The following MAML2 variants were observed in gnomAD, a reference collection of about 807,000 sequenced individuals.
The protein encoded by MAML2 is mastermind like transcriptional coactivator 2.
Under a neutral mutation model 96.1 loss-of-function variants are expected in MAML2, and 22 were observed. The ratio of observed to expected loss-of-function variants is 0.23; its 90% CI spans 0.16 to 0.33. The LOEUF (loss-of-function observed/expected upper bound fraction) is 0.33, where lower values mean the gene tolerates loss of function less well. Ranked by LOEUF, MAML2 falls within the 10% of genes least tolerant of loss-of-function variation. The pLI, the probability that MAML2 is intolerant of heterozygous loss-of-function variation, is 1.00. For missense variants in MAML2, 1,367 were observed against 1,392.4 expected, an observed-to-expected ratio of 0.98 and a Z score of 0.29; for synonymous variants, 561 against 521.3, an observed-to-expected ratio of 1.08 and a Z score of -1.04.
At chr11:96,099,645 A>T (rs912850927) in intron 1 of MAML2, among the ~76,000 whole-genome samples, 1 of 152,042 alleles carries the variant, frequency 6.6e-6, no homozygotes, top group Non-Finnish European at 1.5e-5. Flanking sequence ...GGGAAACGGG[A>T]TCCTTCTAAC....
At chr11:96,322,935 G>A (rs1863726317) in intron 1 of MAML2, among the ~76,000 whole-genome samples, 1 of 152,128 alleles carries the variant, frequency 6.6e-6, no homozygotes, top group Non-Finnish European at 1.5e-5. Context: ...ACAGGCCTAG[G>A]CTTCAGGTTC....
At chr11:96,135,085 T>A (rs1860606898) in intron 1 of MAML2, among the ~76,000 whole-genome samples, 1 of 152,220 alleles carries the variant, frequency 6.6e-6, no homozygotes, top group Non-Finnish European at 1.5e-5. Flanking sequence ...TGTTGAGAGG[T>A]GAAACCATTA....
rs1327901191 is a variant in MAML2 at position 96,092,504 on chromosome 11, T to A, written c.1527A>T (p.Val509=). 1 of 1,597,628 alleles carries A rather than the reference T, an allele frequency of 6.3e-7. No individual in the cohort carries two copies. The change falls in exon 2 of 5, where the codon GTA becomes GTT. Residue 509 remains valine, a synonymous_variant. Coordinates refer to ENST00000524717, the MANE Select transcript of MAML2 (RefSeq NM_032427.4). This position sits in a 1 kb window ranked among gnomAD's most constrained non-coding sequence, Gnocchi z 4.1. ...GVAGGSGQSK[V]MANYMYKAGP... is the part of the protein sequence containing the mutation. ...CGGCCTTGTACATGTAGTTAGCCATTACTTTCGACTGGCCGCTGCCGCCAG... is the reference window on the plus strand; with the variant it reads ...CGGCCTTGTACATGTAGTTAGCCATAACTTTCGACTGGCCGCTGCCGCCAG...
Position 96,139,317 on chromosome 11 carries a change from A to G in MAML2, c.514-45800T>C, listed in dbSNP as rs556675924. ...ACAGTGTAACCCTGTCTCTACTAAA[A>G]ATACAAAAAATTAGCCGGGCGTGGT... On this transcript the variant is annotated intron_variant, in intron 1 of 4. Coordinates refer to ENST00000524717, the MANE Select transcript of MAML2 (RefSeq NM_032427.4). Among the ~76,000 whole-genome samples, 209 of 152,134 alleles carry G rather than the reference A, an allele frequency of 1.4e-3. 3 individuals are homozygous for G. The highest frequency in any genetic ancestry group is 1.3e-3 in the Non-Finnish European group (88 of 67,988).
chr11:96,111,251 T>C (rs1418703562), intron 1 of MAML2, among the ~76,000 whole-genome samples: 2 of 152,240 alleles, frequency 1.3e-5, no homozygotes, highest in South Asian at 2.1e-4. Flanking sequence ...TCCTCCATGA[T>C]AGCTAGTGTC....
intron 2 of MAML2, among the ~76,000 whole-genome samples, chr11:96,010,569 T>C (rs1858250759): frequency 6.6e-6 from 1 of 152,026 alleles, no homozygotes; most frequent in East Asian, 1.9e-4. Flanking sequence ...CTACTCAACT[T>C]CCCTGATTAC....
In MAML2 at chr11:96,323,254, AT is replaced by A. The variant is rs1206129032; in HGVS notation, c.513+18128del. On this transcript the variant is annotated intron_variant, in intron 1 of 4. Transcript: ENST00000524717. Reference sequence around the variant, plus strand: ...AAAAGGCAGCTTATAGAAAAATGTGATTCCCCAAAGAAGGTTCCAGTGATCA... The same window carrying A: ...AAAAGGCAGCTTATAGAAAAATGTGATCCCCAAAGAAGGTTCCAGTGATCA... 3.9e-5 allele frequency among the ~76,000 whole-genome samples: 6 copies of A among 152,324 alleles called. No individual in the cohort carries two copies. In the East Asian group the frequency reaches 1.2e-3, roughly 29 times the overall value.
At chr11:96,277,572 T>C (rs920553052) in intron 1 of MAML2, among the ~76,000 whole-genome samples, 2 of 151,600 alleles carry the variant, frequency 1.3e-5, no homozygotes, top group African/African-American at 4.9e-5. Flanking sequence ...GCCAACATGG[T>C]GAAACACCGT....
At chr11:95,992,579 G>C (rs1274953011) in intron 2 of MAML2, among the ~76,000 whole-genome samples, 1 of 152,204 alleles carries the variant, frequency 6.6e-6, no homozygotes, top group South Asian at 2.1e-4. Flanking sequence ...AAGAAGACTA[G>C]AAAATATGGT....
chr11:96,220,250 G>A (rs1180632020), intron 1 of MAML2, among the ~76,000 whole-genome samples: 1 of 152,092 alleles, frequency 6.6e-6, no homozygotes, highest in Non-Finnish European at 1.5e-5. Context: ...CACTCTCTTA[G>A]GGTACAGATT....
chr11:96,061,312 G>A (rs1468880802), intron 2 of MAML2, among the ~76,000 whole-genome samples: 1 of 152,166 alleles, frequency 6.6e-6, no homozygotes, highest in Non-Finnish European at 1.5e-5. Flanking sequence ...ATGCAGAGAT[G>A]GTGCAATTTC....
intron 1 of MAML2, among the ~76,000 whole-genome samples, chr11:96,196,628 G>T (rs1392438450): frequency 6.6e-6 from 1 of 152,214 alleles, no homozygotes; most frequent in Non-Finnish European, 1.5e-5. Context: ...TCCCCATGCT[G>T]GTAGCAGGAG....
At chr11:96,181,170 G>A (rs1311699260) in intron 1 of MAML2, among the ~76,000 whole-genome samples, 2 of 152,198 alleles carry the variant, frequency 1.3e-5, no homozygotes, top group Admixed American at 6.5e-5. Context: ...GCGTATACGT[G>A]CAAGTCACAG....
At position 96,273,616 on chromosome 11, in the gene MAML2, A is replaced by C. The variant is rs79574360; in HGVS notation, c.513+67767T>G. 2.3e-3 allele frequency among the ~76,000 whole-genome samples: 343 copies of C among 152,350 alleles called. 2 individuals are homozygous for C. The highest frequency in any genetic ancestry group is 7.9e-3 in the African/African-American group (327 of 41,580). On this transcript the variant is annotated intron_variant, in intron 1 of 4. Transcript: ENST00000524717. ...GCAAACATCATCGGAAATATGAATAAGGGACCTAAGTTAGAGTCCAGTTTA... is the reference window on the plus strand; with the variant it reads ...GCAAACATCATCGGAAATATGAATACGGGACCTAAGTTAGAGTCCAGTTTA...
intron 1 of MAML2, among the ~76,000 whole-genome samples, chr11:96,163,899 G>A (rs1054078749): frequency 2.4e-5 from 3 of 122,740 alleles, no homozygotes; most frequent in African/African-American, 9.5e-5. Context: ...TTTTGCTCTT[G>A]TTGCCCATGC....
chr11:96,171,288 A>C (rs1861291407), intron 1 of MAML2, among the ~76,000 whole-genome samples: 1 of 152,108 alleles, frequency 6.6e-6, no homozygotes, highest in South Asian at 2.1e-4. Flanking sequence ...TCATCACCTT[A>C]TTGCATATGT....
intron 1 of MAML2, among the ~76,000 whole-genome samples, chr11:96,161,329 G>C (rs1397579677): frequency 6.6e-6 from 1 of 152,188 alleles, no homozygotes; most frequent in Non-Finnish European, 1.5e-5. Flanking sequence ...CCTTTAGAAT[G>C]TATTTTTCTA....
At chr11:96,123,118 C>T (rs930249890) in intron 1 of MAML2, among the ~76,000 whole-genome samples, 10 of 152,206 alleles carry the variant, frequency 6.6e-5, no homozygotes, top group Admixed American at 1.3e-4. Context: ...ATGTCTGTTT[C>T]TCTCACACTG....
intron 2 of MAML2, among the ~76,000 whole-genome samples, chr11:96,043,834 C>CTAT (rs1235534839): frequency 1.3e-5 from 2 of 152,328 alleles, no homozygotes; most frequent in East Asian, 3.9e-4. Flanking sequence ...CACACAGTAA[C>CTAT]TATCCTACTA....
Sources: allele counts gnomAD v4.1 joint callset (sites outside exome capture counted in the v4.1 genomes callset), GRCh38; gene constraint gnomAD v4.1.1; non-coding constraint Gnocchi (gnomAD v3.1); transcripts MANE v1.5; gene names NCBI Gene and HGNC (gene_info 2026-07-23, HGNC 2026-07-21).